NRG4: variants seen among roughly 807,000 people sequenced by gnomAD.
NRG4 encodes the protein pro-neuregulin-4, membrane-bound isoform.
In NRG4, 10 loss-of-function variants were observed where a neutral mutation model predicts 15.0. That is an observed-to-expected ratio of 0.67 (90% confidence interval 0.41 to 1.13). The LOEUF (loss-of-function observed/expected upper bound fraction) is 1.13. Among genes scored for constraint, NRG4 ranks in the 50% most tolerant of loss-of-function variants. The probability of loss-of-function intolerance (pLI) is 0.00; values close to 1 mark genes in which losing one functional copy is unlikely to be tolerated. For missense variants in NRG4, 139 were observed against 140.2 expected (o/e 0.99, Z 0.04); for synonymous variants, 41 against 50.1 (o/e 0.82, Z 0.77).
chr15:75,949,195 T>C (rs979771454), intron 5 of NRG4, among the ~76,000 whole-genome samples: 2 of 152,164 alleles, frequency 1.3e-5, no homozygotes, highest in Non-Finnish European at 2.9e-5. Context: ...GTGGATCACA[T>C]GAGACCAGAA....
rs2036066877 is a variant in NRG4, at chr15:76,053,185, TC to T, written c.-261-203del. 4 of 151,192 alleles carry T rather than the reference TC, an allele frequency of 2.6e-5. No individual in the cohort carries two copies. The South Asian group carries it at 8.3e-4, about 31-fold the overall frequency. 9.4% of individuals were successfully genotyped at this position (151,192 alleles called of 1,614,324 possible). ...GGAACTCTGGAATCCAGAATGTTTT[TC>T]CTACTACTTAATGATTCCTCAAACT... On this transcript the variant is annotated intron_variant, in intron 2 of 8. Transcript: ENST00000563910.
chr15:76,017,423 T>C (rs1461884790), upstream of NRG4, among the ~76,000 whole-genome samples: 1 of 152,176 alleles, frequency 6.6e-6, no homozygotes, highest in African/African-American at 2.4e-5. Flanking sequence ...TGATGCAGTT[T>C]CTTCATAGTG....
intron 4 of NRG4, chr15:76,036,103 G>A (rs2141947567): frequency 6.6e-6 from 1 of 152,282 alleles, no homozygotes; most frequent in Non-Finnish European, 1.5e-5. Context: ...TTATAAGGTT[G>A]TCAAACTACT....
At chr15:76,051,915 G>A (rs948987778) in intron 4 of NRG4, among the ~76,000 whole-genome samples, 2 of 150,614 alleles carry the variant, frequency 1.3e-5, no homozygotes, top group African/African-American at 5.0e-5. Context: ...AAACAGAACT[G>A]AAACCCATAA....
rs902628312 is a variant in NRG4, at chr15:76,009,214, G to T, written c.90C>A (p.Pro30=). 2 of 1,566,256 alleles carry T rather than the reference G, an allele frequency of 1.3e-6. No homozygotes were observed. The highest frequency in any genetic ancestry group is 8.8e-7 in the Non-Finnish European group (1 of 1,136,754). The change falls in exon 3 of 6, where the codon CCC becomes CCA. Residue 30 remains proline (P), a synonymous_variant. Coordinates refer to ENST00000394907, the MANE Select transcript of NRG4 (RefSeq NM_138573.4). The part of the protein sequence containing the change: ...GGLCYVIPTI[P]SPFCRCVENY... ...ATTTCACTCACCTACAAAATGGGCT[G>T]GGAATAGTAGGTATCACATAACAAA...
rs569647780 is a variant in NRG4 at position 76,026,061 on chromosome 15, G to A, written c.-57+9883C>T. On this transcript the variant is annotated intron_variant, in intron 5 of 8. Coordinates refer to the NRG4 transcript ENST00000563910. ...AAGTGAAAAAATATTTGCATTATGG[G>A]CATTCCAGAAGAAGAAAAGAAGGGG... Among the ~76,000 whole-genome samples the A allele has an allele frequency of 2.5e-4, 38 of 152,144 alleles. No homozygotes were observed. The South Asian group carries it at 7.1e-3, about 28-fold the overall frequency.
chr15:75,963,534 C>T (rs370204869), intron 3 of NRG4, among the ~76,000 whole-genome samples: 12 of 152,184 alleles, frequency 7.9e-5, no homozygotes, highest in East Asian at 5.8e-4. Context: ...AATCCCAGCA[C>T]TTTGGGAGGC....
chr15:76,025,318 A>T (rs1478719009), intron 5 of NRG4, among the ~76,000 whole-genome samples: 3 of 152,170 alleles, frequency 2.0e-5, no homozygotes, highest in Admixed American at 2.0e-4. Context: ...GGGCGCTTGT[A>T]GTCCCAGCTA....
chr15:75,984,650 TA>T (rs2033728132), intron 3 of NRG4, among the ~76,000 whole-genome samples: 1 of 151,958 alleles, frequency 6.6e-6, no homozygotes. Flanking sequence ...GGCAGGGGGC[TA>T]GGGGAGGAAT....
At chr15:75,954,260 T>C (rs900979615) in intron 5 of NRG4, among the ~76,000 whole-genome samples, 1 of 149,188 alleles carries the variant, frequency 6.7e-6, no homozygotes, top group African/African-American at 2.5e-5. Flanking sequence ...AGTTTTTGTT[T>C]TTTTGTTTTT....
chr15:76,007,990 G>GA (rs2034668881), intron 3 of NRG4, among the ~76,000 whole-genome samples: 1 of 152,102 alleles, frequency 6.6e-6, no homozygotes, highest in African/African-American at 2.4e-5. Context: ...ATTAAGTGTT[G>GA]AGCACAGTCA....
intron 5 of NRG4, among the ~76,000 whole-genome samples, chr15:76,022,425 T>TACAC (rs67005026): frequency 0.018 from 2,725 of 149,536 alleles, 35 homozygotes; most frequent in Non-Finnish European, 0.021. Flanking sequence ...TCAATATTTT[T>TACAC]ACACACACAC....
In NRG4 at chr15:76,023,183, C is replaced by CACACACACACACACAA. The variant is rs67858639; in HGVS notation, c.-56-11898_-56-11897insTTGTGTGTGTGTGTGT. On this transcript the variant is annotated intron_variant, in intron 5 of 8. Transcript: ENST00000563910. The stretch of plus-strand genomic sequence containing the variant: ...ACACACACACACACACACACACACA[C>CACACACACACACACAA]AAGCAAGGACCAAGGCAATGAATAA... Among the ~76,000 whole-genome samples the CACACACACACACACAA allele has an allele frequency of 5.5e-3, 622 of 112,382 alleles. 4 individuals carry two copies. Among genetic ancestry groups the CACACACACACACACAA allele is most frequent in the Non-Finnish European group, 9.8e-3 (485 of 49,350 alleles). 73.7% of individuals were successfully genotyped at this position (112,382 alleles called of 152,430 possible).
intron 5 of NRG4, 147 bp from the exon 6 acceptor site, chr15:75,943,801 G>C: frequency 1.6e-5 from 9 of 567,352 alleles, no homozygotes; most frequent in Non-Finnish European, 2.5e-5. Context: ...AACTAACCTA[G>C]AATATCAAAA....
At chr15:75,939,330 A>G (rs2030699411), downstream of NRG4, 1 of 152,190 alleles carries the variant, frequency 6.6e-6, no homozygotes. Flanking sequence ...AAATGCTCAA[A>G]GTCCTAGAAA....
chr15:76,050,705 A>G (rs556115546), intron 4 of NRG4, among the ~76,000 whole-genome samples: 1 of 147,694 alleles, frequency 6.8e-6, no homozygotes, highest in South Asian at 2.1e-4. Context: ...TGGCCTCCCA[A>G]AGTGCTGGGA....
At chr15:75,949,053 T>C (rs1567070032) in intron 5 of NRG4, among the ~76,000 whole-genome samples, 1 of 152,138 alleles carries the variant, frequency 6.6e-6, no homozygotes, top group African/African-American at 2.4e-5. Context: ...AGACCCTGTC[T>C]CAAACAAAGA....
At chr15:75,943,734 A>C (rs948768422) in intron 5 of NRG4, 80 bp from the exon 6 acceptor site, 15 of 896,990 alleles carry the variant, frequency 1.7e-5, no homozygotes, top group Admixed American at 6.2e-5. Flanking sequence ...CATGTCTCTT[A>C]TCTTCTTCAC....
chr15:75,970,547 C>G (rs1258069932), intron 3 of NRG4, among the ~76,000 whole-genome samples: 1 of 152,234 alleles, frequency 6.6e-6, no homozygotes, highest in Non-Finnish European at 1.5e-5. Flanking sequence ...TGGGCAGTTA[C>G]TGGTTGGGAA....
Sources: gnomAD v4.1 joint callset for allele counts (sites outside exome capture counted in the v4.1 genomes callset) on GRCh38, gnomAD v4.1.1 for gene constraint, MANE v1.5 for transcripts, NCBI Gene and HGNC (gene_info 2026-07-23, HGNC 2026-07-21) for gene names.